The following EIF4E3 variants were observed in gnomAD, a reference collection of about 807,000 sequenced individuals.
The protein encoded by EIF4E3 is eukaryotic translation initiation factor 4E type 3.
EIF4E3 carries 26 observed loss-of-function variants against 31.7 expected under a neutral mutation model. That is an observed-to-expected ratio of 0.82 (90% CI 0.60 to 1.14). EIF4E3 has a LOEUF of 1.14. EIF4E3 is among the 50% of genes most tolerant of loss of function. The probability of loss-of-function intolerance (pLI) is 0.00; values close to 1 mark genes in which losing one functional copy is unlikely to be tolerated. For missense variants in EIF4E3, 304 were observed against 270.9 expected (o/e 1.12, Z -0.86); for synonymous variants, 128 against 107.7 (o/e 1.19, Z -1.17).
chr3:71,702,338 A>T (rs1214381485), intron 2 of EIF4E3, among the ~76,000 whole-genome samples: 1 of 152,216 alleles, frequency 6.6e-6, no homozygotes, highest in African/African-American at 2.4e-5. Context: ...TAAAACTAAG[A>T]GGACTTTGGT....
Position 71,684,393 on chromosome 3 carries a change from C to CAA in EIF4E3, c.*287_*288dup, listed in dbSNP as rs71623920. 3,026 of 197,452 alleles carry CAA rather than the reference C, an allele frequency of 0.015. 16 individuals carry two copies. The highest frequency in any genetic ancestry group is 0.086 in the East Asian group (911 of 10,616). 12.2% of individuals were successfully genotyped at this position (197,452 alleles called of 1,614,324 possible). ...AGGCTGAATAAGGAATTTTAAACGG[C>CAA]AAAAAAAAAAAAAAATCAGAGTGAA... On this transcript the variant is annotated 3_prime_UTR_variant, in exon 7 of 7. Coordinates refer to ENST00000425534, the MANE Select transcript of EIF4E3 (RefSeq NM_001134651.2).
intron 2 of EIF4E3, among the ~76,000 whole-genome samples, chr3:71,704,731 GAGA>G (rs1173073161): frequency 6.6e-6 from 1 of 152,214 alleles, no homozygotes; most frequent in Non-Finnish European, 1.5e-5. Context: ...TGTTCATATG[GAGA>G]AGGAGAAGAG....
intron 1 of EIF4E3, among the ~76,000 whole-genome samples, chr3:71,719,686 A>G (rs1358106329): frequency 1.3e-5 from 2 of 152,150 alleles, no homozygotes; most frequent in Non-Finnish European, 2.9e-5. Flanking sequence ...GGACAGACTG[A>G]GTGGTAATGT....
At chr3:71,723,126 C>A (rs2108116367) in intron 1 of EIF4E3, among the ~76,000 whole-genome samples, 1 of 152,272 alleles carries the variant, frequency 6.6e-6, no homozygotes, top group South Asian at 2.1e-4. Context: ...ATTGGCTATG[C>A]TGCAGGTAAG....
intron 1 of EIF4E3, among the ~76,000 whole-genome samples, chr3:71,742,291 A>C (rs2049828710): frequency 6.6e-6 from 1 of 152,150 alleles, no homozygotes; most frequent in South Asian, 2.1e-4. Context: ...ATCAGAAATG[A>C]CACAGAAGAT....
intron 1 of EIF4E3, among the ~76,000 whole-genome samples, chr3:71,740,545 G>C (rs893668454): frequency 3.9e-5 from 6 of 152,132 alleles, no homozygotes; most frequent in African/African-American, 1.4e-4. Context: ...ACCAGCCTGG[G>C]CAACATGGCA....
intron 1 of EIF4E3, among the ~76,000 whole-genome samples, chr3:71,712,852 CAAAA>C (rs11403409): frequency 7.4e-5 from 9 of 121,220 alleles, no homozygotes; most frequent in Admixed American, 8.6e-5. Context: ...TAACCTAGAC[CAAAA>C]AAAAAAAAAA....
downstream of EIF4E3, among the ~76,000 whole-genome samples, chr3:71,671,343 C>T (rs2048846154): frequency 6.6e-6 from 1 of 152,056 alleles, no homozygotes; most frequent in South Asian, 2.1e-4. Context: ...TGCAGAGAGA[C>T]CAGGGGCTTG....
chr3:71,754,512 G>A (rs1417759497), upstream of EIF4E3: 6 of 1,293,368 alleles, frequency 4.6e-6, no homozygotes, highest in Non-Finnish European at 5.9e-6. This position sits in a 1 kb window ranked among gnomAD's most constrained non-coding sequence, Gnocchi z 5.8. Context: ...GCTGGCCGCG[G>A]CCTTCCCGCC....
chr3:71,728,493 G>C (rs568381614), upstream of EIF4E3: 1 of 152,800 alleles, frequency 6.5e-6, no homozygotes, highest in Admixed American at 6.5e-5. Context: ...CACAGCTCTA[G>C]GAAATGACAG....
intron 1 of EIF4E3, among the ~76,000 whole-genome samples, chr3:71,741,812 G>A (rs2049823670): frequency 6.6e-6 from 1 of 152,134 alleles, no homozygotes; most frequent in Non-Finnish European, 1.5e-5. Flanking sequence ...AGTCATACAA[G>A]TATGTTCTCT....
rs2048925318 is a variant in EIF4E3, at chr3:71,681,691, A to G, written c.*2991T>C. 1 of 152,222 alleles carries G rather than the reference A, an allele frequency of 6.6e-6. No homozygotes were observed. The highest frequency in any genetic ancestry group is 1.5e-5 in the Non-Finnish European group (1 of 68,050). The allele number at this position is 152,222 out of a possible 1,614,324, so 9.4% of individuals were successfully genotyped here. A position where few individuals can be genotyped will look rare whatever the true frequency, so the allele number is the denominator to read the frequency against. On this transcript the variant is annotated 3_prime_UTR_variant, in exon 7 of 7. Coordinates refer to ENST00000425534, the MANE Select transcript of EIF4E3 (RefSeq NM_001134651.2). ...CCCAGCTCTGTGGCTGGCTAGCCCT[A>G]CGTCTTTAACAAGGGACAAGTTCGG...
At chr3:71,734,581 C>G (rs1467202034) in intron 1 of EIF4E3, among the ~76,000 whole-genome samples, 2 of 151,908 alleles carry the variant, frequency 1.3e-5, no homozygotes, top group African/African-American at 4.8e-5. Context: ...ATTTTTCATT[C>G]TGAGGGAAAA....
intron 5 of EIF4E3, among the ~76,000 whole-genome samples, chr3:71,690,665 A>C (rs1321801311): frequency 6.6e-6 from 1 of 152,218 alleles, no homozygotes; most frequent in Non-Finnish European, 1.5e-5. Context: ...CACGAACTGG[A>C]GCCAGATTGT....
At chr3:71,749,434 C>T (rs1283015583) in intron 1 of EIF4E3, among the ~76,000 whole-genome samples, 1 of 152,212 alleles carries the variant, frequency 6.6e-6, no homozygotes, top group African/African-American at 2.4e-5. Flanking sequence ...GACTTTGGCT[C>T]ACTTTTTCTA....
intron 1 of EIF4E3, among the ~76,000 whole-genome samples, chr3:71,722,729 C>A (rs1360668661): frequency 6.6e-6 from 1 of 152,204 alleles, no homozygotes; most frequent in African/African-American, 2.4e-5. Context: ...AGGTTTCTGG[C>A]TTCCCAACAC....
chr3:71,710,285 A>C (rs1578359263), intron 2 of EIF4E3, 127 bp downstream of exon 2: 13 of 1,052,654 alleles, frequency 1.2e-5, no homozygotes, highest in Non-Finnish European at 1.9e-5. Context: ...GCCAACCTGG[A>C]CCCGAGAGCC....
chr3:71,671,661 C>T (rs572524489), downstream of EIF4E3, among the ~76,000 whole-genome samples: 1 of 152,082 alleles, frequency 6.6e-6, no homozygotes, highest in South Asian at 2.1e-4. Context: ...CTCCGGGCGG[C>T]GGGGCGGCTG....
the EIF4E3 span, among the ~76,000 whole-genome samples, chr3:71,668,480 T>C: frequency 0.074 from 11,291 of 152,034 alleles, 989 homozygotes; most frequent in African/African-American, 0.21. Flanking sequence ...TGGGAGAACA[T>C]TTTAAAATCT....
Sources: gnomAD v4.1 joint callset for allele counts (sites outside exome capture counted in the v4.1 genomes callset) on GRCh38, gnomAD v4.1.1 for gene constraint, Gnocchi (gnomAD v3.1) non-coding constraint, MANE v1.5 for transcripts, NCBI Gene and HGNC (gene_info 2026-07-23, HGNC 2026-07-21) for gene names.